CDK4: variants seen among roughly 807,000 people sequenced by gnomAD.
CDK4 encodes cyclin-dependent kinase 4.
Under a neutral mutation model 36.7 loss-of-function variants are expected in CDK4, and 13 were observed. The ratio of observed to expected loss-of-function variants is 0.35; its 90% CI spans 0.23 to 0.56. The LOEUF (loss-of-function observed/expected upper bound fraction) is 0.56. Ranked by LOEUF, CDK4 falls within the 20% of genes least tolerant of loss-of-function variation. CDK4 has a pLI of 0.85. For missense variants in CDK4, 285 were observed against 387.3 expected (o/e 0.74, Z 2.22); for synonymous variants, 158 against 146.4 (o/e 1.08, Z -0.57).
chr12:57,749,780 T>C (rs1955210744), intron 5 of CDK4: 1 of 505,500 alleles, frequency 2.0e-6, no homozygotes, highest in Admixed American at 3.3e-5. Flanking sequence ...GGGTGGATCA[T>C]GAGGTCAAGA....
intron 5 of CDK4, 99 bp downstream of exon 5, chr12:57,750,557 C>T: frequency 1.2e-6 from 1 of 852,554 alleles, no homozygotes; most frequent in Non-Finnish European, 2.0e-6. Context: ...ACACAGCAAG[C>T]CCTGGTCTCA....
chr12:57,749,836 A>C (rs565341235), intron 5 of CDK4: 9 of 375,134 alleles, frequency 2.4e-5, no homozygotes, highest in Non-Finnish European at 4.0e-5. Flanking sequence ...GTCATTACTA[A>C]AAGTACAAAA....
intron 1 of CDK4, 115 bp downstream of exon 1, chr12:57,752,060 G>A: frequency 2.6e-6 from 1 of 387,342 alleles, no homozygotes; most frequent in Non-Finnish European, 4.9e-6. Flanking sequence ...GACCACAAAG[G>A]CCCCACTTCC....
At chr12:57,750,295 G>C (rs572034052) in intron 5 of CDK4, 38 of 309,188 alleles carry the variant, frequency 1.2e-4, no homozygotes, top group Non-Finnish European at 2.0e-4. Context: ...TAAAAGAATG[G>C]GGCCAGATGC....
chr12:57,750,611 C>T (rs1955224824), intron 5 of CDK4, 45 bp downstream of exon 5: 13 of 1,313,284 alleles, frequency 9.9e-6, no homozygotes, highest in African/African-American at 4.3e-5. Context: ...TATGAACAAG[C>T]GATTTGGGGA....
In CDK4 at chr12:57,749,804, CTGGCCAACA is replaced by C. The variant is rs540214842; in HGVS notation, c.633-309_633-301del. 2.7e-3 allele frequency: 1,242 copies of C among 453,640 alleles called. 11 individuals carry two copies. Among genetic ancestry groups the C allele is most frequent in the African/African-American group, 0.023 (1,152 of 50,684 alleles). 28.1% of individuals were successfully genotyped at this position (453,640 alleles called of 1,614,324 possible). ...ATGAGGTCAAGAGATCGAGACCATCCTGGCCAACATGGTGAAACCCTGTCATTACTAAAA... is the reference window on the plus strand; with the variant it reads ...ATGAGGTCAAGAGATCGAGACCATCCTGGTGAAACCCTGTCATTACTAAAA... On this transcript the variant is annotated intron_variant, in intron 5 of 7. Coordinates refer to ENST00000257904, the MANE Select transcript of CDK4 (RefSeq NM_000075.4).
At position 57,750,700 on chromosome 12, in the gene CDK4, G is replaced by A. The variant is rs2140385708; in HGVS notation, c.588C>T (p.Asp196=). 2 of 1,614,032 alleles carry A rather than the reference G, an allele frequency of 1.2e-6. No individual in the cohort carries two copies. The highest frequency in any genetic ancestry group is 1.7e-6 in the Non-Finnish European group (2 of 1,179,874). ...LLQSTYATPV[D]MWSVGCIFAE... is the part of the protein sequence containing the mutation. Reference sequence around the variant, plus strand: ...CAAAGATACAGCCAACACTCCACATGTCCACAGGTGTTGCATATGTGGACT... The same window carrying A: ...CAAAGATACAGCCAACACTCCACATATCCACAGGTGTTGCATATGTGGACT... The change falls in exon 5 of 8, where the codon GAC becomes GAT. Residue 196 remains aspartate (D), a synonymous_variant. Coordinates refer to ENST00000257904, the MANE Select transcript of CDK4 (RefSeq NM_000075.4).
Position 57,751,741 on chromosome 12 carries a change from A to G in CDK4, c.-19-5T>C, listed in dbSNP as rs1013979642. 1 of 1,606,534 alleles carries G rather than the reference A, an allele frequency of 6.2e-7. No individual in the cohort carries two copies. The highest frequency in any genetic ancestry group is 8.5e-7 in the Non-Finnish European group (1 of 1,173,636). The stretch of plus-strand genomic sequence containing the variant: ...ATTCTCAGATCAAGGGAGACCCTAC[A>G]ATCACAGACTCCTATCACCAAAAGT... On this transcript the variant is annotated splice_region_variant and splice_polypyrimidine_tract_variant and intron_variant, in intron 1 of 7. Coordinates refer to ENST00000257904, the MANE Select transcript of CDK4 (RefSeq NM_000075.4). This position sits in a 1 kb window ranked among gnomAD's most constrained non-coding sequence, Gnocchi z 4.5.
rs762471901 is a variant in CDK4, at chr12:57,751,219, G to T, written c.342C>A (p.Ala114=). 6.2e-7 allele frequency: 1 copy of T among 1,614,090 alleles called. No individual in the cohort carries two copies. The highest frequency in any genetic ancestry group is 8.5e-7 in the Non-Finnish European group (1 of 1,180,020). ...LDKAPPPGLP[A]ETIKDLMRQF... ...CAACCCCACTCACCTTGATCGTTTC[G>T]GCTGGCAAGCCTGGTGGGGGTGCCT... Residue 114 remains alanine (A), a synonymous_variant, in exon 3 of 8, where the codon GCC becomes GCA. Transcript: ENST00000257904. The surrounding 1 kb of genome is among the most constrained non-coding windows in gnomAD (Gnocchi z 4.5).
chr12:57,748,698 CTTCTTTT>C (rs753080281), intron 7 of CDK4, 81 bp from the exon 8 acceptor site: 9 of 869,710 alleles, frequency 1.0e-5, no homozygotes, highest in Admixed American at 4.0e-5. Flanking sequence ...GATGAGCTTT[CTTCTTTT>C]TTCTTTTTTT....
intron 7 of CDK4, 178 bp downstream of exon 7, chr12:57,749,004 C>T (rs1595108428): frequency 7.2e-6 from 6 of 828,982 alleles, no homozygotes; most frequent in African/African-American, 5.2e-5. Flanking sequence ...CCGTGCCCAG[C>T]CAGGATGGGT....
rs200215596 is a variant in CDK4 at position 57,749,222 on chromosome 12, A to T, written c.779T>A (p.Val260Glu). 1.3e-4 allele frequency: 212 copies of T among 1,613,828 alleles called. 1 individual carries two copies. The highest frequency in any genetic ancestry group is 1.7e-4 in the Non-Finnish European group (204 of 1,179,876). Residue 260 changes from valine to glutamate, a missense_variant, in exon 7 of 8, where the codon GTG becomes GAG. Transcript: ENST00000257904. Reference protein sequence around the residue: ...PPRGPRPVQSVVPEMEESGAQ... With the variant: ...PPRGPRPVQSEVPEMEESGAQ... ...TCCCGACTCCTCCATCTCAGGTACC[A>T]CCGACTGCACTGGGCGGGGCCCTCT...
At position 57,751,922 on chromosome 12, in the gene CDK4, C is replaced by A. The variant is rs891466760; in HGVS notation, c.-19-186G>T. Reference sequence around the variant, plus strand: ...ATGACTCAATACCAACCCCTCCAGCCACGTGAGGCCCTGCAATAGAAAACG... The same window carrying A: ...ATGACTCAATACCAACCCCTCCAGCAACGTGAGGCCCTGCAATAGAAAACG... On this transcript the variant is annotated intron_variant, in intron 1 of 7. Coordinates refer to ENST00000257904, the MANE Select transcript of CDK4 (RefSeq NM_000075.4). This position sits in a 1 kb window ranked among gnomAD's most constrained non-coding sequence, Gnocchi z 4.5. 19 of 612,252 alleles carry A rather than the reference C, an allele frequency of 3.1e-5. No homozygotes were observed. Among genetic ancestry groups the A allele is most frequent in the Non-Finnish European group, 4.3e-5 (15 of 345,890 alleles). 37.9% of individuals were successfully genotyped at this position (612,252 alleles called of 1,614,324 possible). A position where few individuals can be genotyped will look rare whatever the true frequency, so the allele number is the denominator to read the frequency against.
At chr12:57,748,756 A>G (rs1595108198) in intron 7 of CDK4, 139 bp from the exon 8 acceptor site, 1 of 652,960 alleles carries the variant, frequency 1.5e-6, no homozygotes. Context: ...CCCAGGCTGG[A>G]GTGCAATGGT....
In CDK4 at chr12:57,748,464, C is replaced by T. The variant is rs1955185234; in HGVS notation, c.*61G>A. ...CTCAGAGATAAAGGCAAAGATTGCC[C>T]TCTCAGTGTCCAGAAGGGAAATGGC... On this transcript the variant is annotated 3_prime_UTR_variant, in exon 8 of 8. Transcript: ENST00000257904. 6 of 1,214,422 alleles carry T rather than the reference C, an allele frequency of 4.9e-6. No individual in the cohort carries two copies. Among genetic ancestry groups the T allele is most frequent in the Non-Finnish European group, 7.3e-6 (6 of 817,682 alleles). 75.2% of individuals were successfully genotyped at this position (1,214,422 alleles called of 1,614,324 possible). A position where few individuals can be genotyped will look rare whatever the true frequency, so the allele number is the denominator to read the frequency against.
chr12:57,751,856 C>A lies in CDK4; in HGVS notation c.-19-120G>T, dbSNP rs779024431. 2.8e-6 allele frequency: 2 copies of A among 722,416 alleles called. No homozygotes were observed. Among genetic ancestry groups the A allele is most frequent in the South Asian group, 3.1e-5 (2 of 64,208 alleles). 44.8% of individuals were successfully genotyped at this position (722,416 alleles called of 1,614,324 possible). ...AGAACACCACCAGCATCCCATCCCC[C>A]GCTCCCAGTCTTCCTTGGGGCCGGC... On this transcript the variant is annotated intron_variant, in intron 1 of 7. Transcript: ENST00000257904. This position sits in a 1 kb window ranked among gnomAD's most constrained non-coding sequence, Gnocchi z 4.5.
chr12:57,748,833 G>A, intron 7 of CDK4: 3 of 563,564 alleles, frequency 5.3e-6, no homozygotes, highest in Non-Finnish European at 9.5e-6. Flanking sequence ...AGCCTCCCAA[G>A]TAGCTGAGAT....
chr12:57,749,604 G>A, intron 5 of CDK4, 100 bp from the exon 6 acceptor site: 9 of 1,162,602 alleles, frequency 7.7e-6, no homozygotes, highest in Non-Finnish European at 1.0e-5. Flanking sequence ...AGGGAATAAA[G>A]GCCAACAATT....
At chr12:57,749,038 G>T (rs1955196490) in intron 7 of CDK4, 144 bp downstream of exon 7, 2 of 1,034,910 alleles carry the variant, frequency 1.9e-6, no homozygotes. Context: ...CTTCTCTGTG[G>T]GTGGCTATTT....
Sources: allele counts gnomAD v4.1 joint callset, GRCh38; gene constraint gnomAD v4.1.1; non-coding constraint Gnocchi (gnomAD v3.1); transcripts MANE v1.5; gene names NCBI Gene and HGNC (gene_info 2026-07-23, HGNC 2026-07-21).